Variants in ATG7 observed in about 807,000 individuals in gnomAD.
ATG7 encodes the protein autophagy related 7.
A neutral mutation model predicts 82.4 loss-of-function variants in ATG7; 70 were observed. That is an observed-to-expected ratio of 0.85 (90% confidence interval 0.70 to 1.04). ATG7 has a LOEUF of 1.04. Ranked by LOEUF, ATG7 falls within the 50% of genes least tolerant of loss-of-function variation. The probability of loss-of-function intolerance (pLI) is 0.00; values close to 1 mark genes in which losing one functional copy is unlikely to be tolerated. For synonymous variants in ATG7, 287 were observed against 313.0 expected (o/e 0.92, Z 0.88); for missense variants, 792 against 864.3 (o/e 0.92, Z 1.05).
intron 20 of ATG7, among the ~76,000 whole-genome samples, chr3:11,465,053 T>G (rs1055011260): frequency 4.1e-4 from 61 of 149,764 alleles, no homozygotes; most frequent in Non-Finnish European, 5.2e-4. Flanking sequence ...AAGGAAAAAT[T>G]TTTTTTCTTA....
At chr3:11,462,303 A>G (rs1346681850) in intron 20 of ATG7, among the ~76,000 whole-genome samples, 1 of 152,048 alleles carries the variant, frequency 6.6e-6, no homozygotes, top group Non-Finnish European at 1.5e-5. Flanking sequence ...AGGTGCAGCC[A>G]CAAGAAGGAG....
At chr3:11,522,846 G>C (rs1021112501) in intron 20 of ATG7, among the ~76,000 whole-genome samples, 1 of 152,102 alleles carries the variant, frequency 6.6e-6, no homozygotes, top group Non-Finnish European at 1.5e-5. Context: ...GTGTCTGAAG[G>C]CTTCCTTTCA....
chr3:11,424,476 C>A (rs1188123590), intron 19 of ATG7, among the ~76,000 whole-genome samples: 1 of 151,570 alleles, frequency 6.6e-6, no homozygotes, highest in Non-Finnish European at 1.5e-5. Flanking sequence ...GAGACTGTCA[C>A]CAACAACAAC....
chr3:11,315,055 T>TGAAAC (rs1949202823), intron 8 of ATG7, among the ~76,000 whole-genome samples: 1 of 152,168 alleles, frequency 6.6e-6, no homozygotes, highest in African/African-American at 2.4e-5. Flanking sequence ...AGAGAAAGAA[T>TGAAAC]GTTTCGTTAC....
At chr3:11,572,641 A>G in the ATG7 span, among the ~76,000 whole-genome samples, 2 of 152,126 alleles carry the variant, frequency 1.3e-5, no homozygotes, top group Non-Finnish European at 2.9e-5. Flanking sequence ...GGAAGCACAC[A>G]TCCGTCGCAT....
At chr3:11,374,765 G>A (rs928853084) in intron 18 of ATG7, among the ~76,000 whole-genome samples, 2 of 152,020 alleles carry the variant, frequency 1.3e-5, no homozygotes, top group East Asian at 3.9e-4. Flanking sequence ...TTAGCCAGGC[G>A]TGGTGGCGGG....
chr3:11,309,695 C>A (rs1344740928), intron 7 of ATG7, among the ~76,000 whole-genome samples: 12 of 152,006 alleles, frequency 7.9e-5, no homozygotes, highest in Non-Finnish European at 1.8e-4. Context: ...TACACACACA[C>A]ACAGATACCA....
At chr3:11,450,614 CTG>C (rs1227534581) in intron 20 of ATG7, among the ~76,000 whole-genome samples, 1 of 152,200 alleles carries the variant, frequency 6.6e-6, no homozygotes, top group African/African-American at 2.4e-5. Flanking sequence ...CCTCATGGAG[CTG>C]TGATATCTCA....
At chr3:11,423,785 T>C (rs1021719141) in intron 19 of ATG7, among the ~76,000 whole-genome samples, 7 of 152,188 alleles carry the variant, frequency 4.6e-5, no homozygotes, top group African/African-American at 1.7e-4. Flanking sequence ...CAGGACTCTT[T>C]CCCAGTCCCT....
Position 11,555,193 on chromosome 3 carries a change from A to G in ATG7, c.*350A>G, listed in dbSNP as rs779324029. ...TGACCCAACACAGACCAAATGGGGA[A>G]ATGAGCAACCAGCTCCTGCCCAGAG... On this transcript the variant is annotated 3_prime_UTR_variant, in exon 21 of 21. Coordinates refer to ENST00000693202, the MANE Select transcript of ATG7 (RefSeq NM_001349232.2). 55 of 265,456 alleles carry G rather than the reference A, an allele frequency of 2.1e-4. No homozygotes were observed. The Middle Eastern group carries it at 4.7e-3, about 22-fold the overall frequency. The allele number at this position is 265,456 out of a possible 1,614,324, so 16.4% of individuals were successfully genotyped here. A position where few individuals can be genotyped will look rare whatever the true frequency, so the allele number is the denominator to read the frequency against.
At position 11,555,668 on chromosome 3, in the gene ATG7, G is replaced by A. The variant is rs1466866484; in HGVS notation, c.*825G>A. ...GCCTTCCTGCCCCAGCCGAGGGAGG[G>A]GTCAGACGGCTCTACCATGGGTAAC... is the stretch of plus-strand genomic sequence containing the variant. On this transcript the variant is annotated 3_prime_UTR_variant, in exon 21 of 21. Transcript: ENST00000693202. The A allele has an allele frequency of 6.6e-6, 1 of 152,278 alleles. No individual in the cohort carries two copies. Among genetic ancestry groups the A allele is most frequent in the African/African-American group, 2.4e-5 (1 of 41,380 alleles). 9.4% of individuals were successfully genotyped at this position (152,278 alleles called of 1,614,324 possible).
At chr3:11,558,250 C>T, downstream of ATG7, 1 of 472,610 alleles carries the variant, frequency 2.1e-6, no homozygotes, top group Non-Finnish European at 3.8e-6. Flanking sequence ...GCTGTGGAGT[C>T]CTGGCCCCGT....
intron 20 of ATG7, among the ~76,000 whole-genome samples, chr3:11,442,987 T>C (rs945631801): frequency 6.6e-6 from 1 of 152,146 alleles, no homozygotes; most frequent in Admixed American, 6.5e-5. Flanking sequence ...ATATGTATTA[T>C]TGTTCCCAAA....
downstream of ATG7, among the ~76,000 whole-genome samples, chr3:11,562,175 G>A (rs1237697660): frequency 6.6e-6 from 1 of 152,114 alleles, no homozygotes; most frequent in East Asian, 1.9e-4. Context: ...GGGATTACAG[G>A]TGTGAGCCAC....
intron 19 of ATG7, among the ~76,000 whole-genome samples, chr3:11,420,987 C>G (rs920690995): frequency 4.6e-5 from 7 of 152,164 alleles, no homozygotes; most frequent in African/African-American, 1.2e-4. Context: ...AATCTCCTGA[C>G]CTCGTGATCC....
Position 11,545,029 on chromosome 3 carries a change from C to T in ATG7, c.2080-9782C>T, listed in dbSNP as rs141978271. Among the ~76,000 whole-genome samples, 1,460 of 152,294 alleles carry T rather than the reference C, an allele frequency of 9.6e-3. 24 individuals are homozygous for T. The highest frequency in any genetic ancestry group is 0.033 in the African/African-American group (1,362 of 41,552). ...GGAAGTCGCTGCAGACCCAGCGGAG[C>T]CAGCTGTGTGGGAGGGGCTGCGGAG... On this transcript the variant is annotated intron_variant, in intron 20 of 20. Coordinates refer to ENST00000693202, the MANE Select transcript of ATG7 (RefSeq NM_001349232.2).
chr3:11,481,336 C>T (rs954642759), intron 20 of ATG7, among the ~76,000 whole-genome samples: 11 of 152,176 alleles, frequency 7.2e-5, no homozygotes, highest in Admixed American at 2.6e-4. Flanking sequence ...ATATATTTTA[C>T]GATGATAAAA....
At chr3:11,345,314 C>T (rs1218947139) in intron 13 of ATG7, among the ~76,000 whole-genome samples, 1 of 152,134 alleles carries the variant, frequency 6.6e-6, no homozygotes, top group Non-Finnish European at 1.5e-5. Context: ...GAGGCTGAGG[C>T]AGGAGAATGG....
intron 19 of ATG7, among the ~76,000 whole-genome samples, chr3:11,418,587 C>T (rs946294257): frequency 1.3e-5 from 2 of 152,160 alleles, no homozygotes; most frequent in Admixed American, 6.5e-5. Context: ...CTTGTCCACA[C>T]CTAGCAATTT....
Sources: gnomAD v4.1 joint callset for allele counts (sites outside exome capture counted in the v4.1 genomes callset) on GRCh38, gnomAD v4.1.1 for gene constraint, MANE v1.5 for transcripts, NCBI Gene and HGNC (gene_info 2026-07-23, HGNC 2026-07-21) for gene names.